Variants in CLCC1 observed in about 807,000 individuals in gnomAD.
CLCC1 encodes chloride channel CLIC-like protein 1.
A neutral mutation model predicts 63.3 loss-of-function variants in CLCC1; 39 were observed. The ratio of observed to expected loss-of-function variants is 0.62; its 90% CI spans 0.48 to 0.81. The LOEUF (loss-of-function observed/expected upper bound fraction) is 0.81. Ranked by LOEUF, CLCC1 falls within the 30% of genes least tolerant of loss-of-function variation. CLCC1 has a pLI of 0.00. For synonymous variants in CLCC1, 217 were observed against 239.8 expected (o/e 0.90, Z 0.88); for missense variants, 549 against 669.4 (o/e 0.82, Z 1.98).
At chr1:108,961,958 C>T (rs970087487) in intron 2 of CLCC1, among the ~76,000 whole-genome samples, 6 of 152,146 alleles carry the variant, frequency 3.9e-5, no homozygotes, top group African/African-American at 1.4e-4. Context: ...CTTATCTTCA[C>T]TCATCTTCAT....
chr1:108,950,022 T>A, intron 3 of CLCC1, 101 bp from the exon 4 acceptor site: 1 of 760,820 alleles, frequency 1.3e-6, no homozygotes, highest in Non-Finnish European at 2.2e-6. Flanking sequence ...ATTTCATGAC[T>A]CTGCATGTTA....
chr1:108,954,915 C>T (rs969205094), intron 2 of CLCC1, among the ~76,000 whole-genome samples: 8 of 150,448 alleles, frequency 5.3e-5, no homozygotes, highest in African/African-American at 1.7e-4. Flanking sequence ...TCACTGCAAC[C>T]TCTGCCTCCT....
intron 2 of CLCC1, among the ~76,000 whole-genome samples, chr1:108,953,972 T>C (rs1483407377): frequency 3.6e-5 from 5 of 139,442 alleles, no homozygotes; most frequent in African/African-American, 8.5e-5. Flanking sequence ...ATCATGCCAT[T>C]GCACTCCAGC....
intron 12 of CLCC1, chr1:108,932,836 T>C (rs932338636): frequency 1.3e-5 from 2 of 152,236 alleles, no homozygotes; most frequent in African/African-American, 4.8e-5. Context: ...TTTGCATTTC[T>C]TAGAAAAAAT....
intron 5 of CLCC1, among the ~76,000 whole-genome samples, chr1:108,945,703 C>A (rs1042356285): frequency 3.3e-5 from 5 of 152,108 alleles, no homozygotes; most frequent in Admixed American, 2.6e-4. Flanking sequence ...TTAGTGCAAA[C>A]AAGAAAAACA....
rs1655355060 is a variant in CLCC1, at chr1:108,952,610, C to A, written c.-11-2162G>T. Among the ~76,000 whole-genome samples the A allele has an allele frequency of 2.0e-5, 3 of 148,898 alleles. No homozygotes were observed. In the South Asian group the frequency reaches 6.3e-4, roughly 31 times the overall value. ...GGCCAGGAGTTCGAGAGCAGCCTGGCCAACAAGTTGAAACCCCATCTCTAC... is the reference window on the plus strand; with the variant it reads ...GGCCAGGAGTTCGAGAGCAGCCTGGACAACAAGTTGAAACCCCATCTCTAC... On this transcript the variant is annotated intron_variant, in intron 2 of 12. Coordinates refer to ENST00000369969, the MANE Select transcript of CLCC1 (RefSeq NM_001377458.1).
chr1:108,945,078 T>A (rs1014703333), intron 5 of CLCC1, among the ~76,000 whole-genome samples: 1 of 152,250 alleles, frequency 6.6e-6, no homozygotes, highest in African/African-American at 2.4e-5. Flanking sequence ...TTTATGTGTG[T>A]TTCTGTACAT....
intron 2 of CLCC1, among the ~76,000 whole-genome samples, chr1:108,952,921 T>G (rs889624847): frequency 6.6e-6 from 1 of 152,100 alleles, no homozygotes; most frequent in African/African-American, 2.4e-5. Flanking sequence ...AGTCAAATAA[T>G]TTAAACACTT....
Position 108,929,850 on chromosome 1 carries a change from CAG to C in CLCC1, c.*2695_*2696del. On this transcript the variant is annotated 3_prime_UTR_variant, in exon 13 of 13. Coordinates refer to ENST00000369969, the MANE Select transcript of CLCC1 (RefSeq NM_001377458.1). ...GAGTTCTTTTACAAAGAGATCAAAA[CAG>C]AGACACTGACTTTGGGCTAAAGGAC... 1.9e-6 allele frequency: 3 copies of C among 1,613,878 alleles called. No individual in the cohort carries two copies. Among genetic ancestry groups the C allele is most frequent in the South Asian group, 1.1e-5 (1 of 91,080 alleles).
chr1:108,961,631 G>A (rs557339455), intron 2 of CLCC1, among the ~76,000 whole-genome samples: 1 of 152,258 alleles, frequency 6.6e-6, no homozygotes, highest in South Asian at 2.1e-4. Context: ...AGGCCAAGGC[G>A]GGCGCATCAC....
intron 7 of CLCC1, among the ~76,000 whole-genome samples, chr1:108,941,778 C>T (rs1474560311): frequency 1.3e-5 from 2 of 152,102 alleles, no homozygotes; most frequent in African/African-American, 4.8e-5. Context: ...CTCAGCTTCC[C>T]GAGTAGCTGG....
chr1:108,959,419 A>T (rs1434808908), intron 2 of CLCC1, among the ~76,000 whole-genome samples: 1 of 152,176 alleles, frequency 6.6e-6, no homozygotes, highest in Non-Finnish European at 1.5e-5. Flanking sequence ...CTATGTTAAG[A>T]ACAAAACTTG....
chr1:108,950,512 G>GTTA (rs34131552), intron 2 of CLCC1, 64 bp from the exon 3 acceptor site: 188,351 of 659,126 alleles, frequency 0.29, 28,405 homozygotes, highest in African/African-American at 0.45. Flanking sequence ...TGGGTTTTGG[G>GTTA]TTATTATTAT....
rs193207072 is a variant in CLCC1, at chr1:108,934,575, T to C, written c.*45+50A>G. 5.6e-6 allele frequency: 8 copies of C among 1,424,396 alleles called. No individual in the cohort carries two copies. The African/African-American group carries it at 1.1e-4, about 20-fold the overall frequency. 88.2% of individuals were successfully genotyped at this position (1,424,396 alleles called of 1,614,324 possible). ...AATGTTGAAGTTGGCACCTTTGTAGTAATCAGAATTCTTGCAGAGAAGAGA... is the reference window on the plus strand; with the variant it reads ...AATGTTGAAGTTGGCACCTTTGTAGCAATCAGAATTCTTGCAGAGAAGAGA... On this transcript the variant is annotated intron_variant, in intron 12 of 12. Transcript: ENST00000369969.
intron 1 of CLCC1, among the ~76,000 whole-genome samples, 165 bp downstream of exon 1, chr1:108,963,196 C>A (rs77125790): frequency 0.051 from 7,799 of 152,272 alleles, 230 homozygotes; most frequent in Middle Eastern, 0.062. Flanking sequence ...GAGCCCGGGG[C>A]ACCCACAGGC....
chr1:108,943,055 G>T (rs1489443496), intron 7 of CLCC1, among the ~76,000 whole-genome samples: 6 of 152,012 alleles, frequency 3.9e-5, no homozygotes. Context: ...GACTACAGGT[G>T]CACGTCACCA....
In CLCC1 at chr1:108,950,444, TA is replaced by T; in HGVS notation, c.-8del. 6.4e-7 allele frequency: 1 copy of T among 1,562,600 alleles called. No individual in the cohort carries two copies. The highest frequency in any genetic ancestry group is 8.7e-7 in the Non-Finnish European group (1 of 1,152,220). On this transcript the variant is annotated 5_prime_UTR_variant, in exon 3 of 13. Transcript: ENST00000369969. The stretch of plus-strand genomic sequence containing the variant: ...GGAGCAAAGAACACAGCATCCTGTA[TA>T]AGGCTAAAACAATTTTTAATATATA...
Position 108,950,467 on chromosome 1 carries a change from T to C in CLCC1, c.-11-19A>G, listed in dbSNP as rs148934555. The C allele has an allele frequency of 1.5e-3, 2,047 of 1,384,608 alleles. 16 individuals carry two copies. Among genetic ancestry groups the C allele is most frequent in the Middle Eastern group, 0.014 (75 of 5,224 alleles). 85.8% of individuals were successfully genotyped at this position (1,384,608 alleles called of 1,614,324 possible). ...TATAAGGCTAAAACAATTTTTAATA[T>C]ATATAATGAAATAGAATTATTTTTT... is the stretch of plus-strand genomic sequence containing the variant. On this transcript the variant is annotated intron_variant, in intron 2 of 12. Coordinates refer to ENST00000369969, the MANE Select transcript of CLCC1 (RefSeq NM_001377458.1).
Position 108,931,785 on chromosome 1 carries a change from G to A in CLCC1, c.*762C>T, listed in dbSNP as rs1158905849. 1.9e-5 allele frequency: 4 copies of A among 207,930 alleles called. No individual in the cohort carries two copies. The highest frequency in any genetic ancestry group is 1.5e-4 in the South Asian group (1 of 6,776). 12.9% of individuals were successfully genotyped at this position (207,930 alleles called of 1,614,324 possible). A position where few individuals can be genotyped will look rare whatever the true frequency, so the allele number is the denominator to read the frequency against. The stretch of plus-strand genomic sequence containing the variant: ...TTAAGACAATATACCAAACCACAAC[G>A]TAAAAAGTTTGTGTATACAAACTTT... On this transcript the variant is annotated 3_prime_UTR_variant, in exon 13 of 13. Transcript: ENST00000369969.
Sources: allele counts gnomAD v4.1 joint callset (sites outside exome capture counted in the v4.1 genomes callset), GRCh38; gene constraint gnomAD v4.1.1; transcripts MANE v1.5; gene names NCBI Gene and HGNC (gene_info 2026-07-23, HGNC 2026-07-21).